The following SH3KBP1 variants were observed in gnomAD, a reference collection of about 807,000 sequenced individuals.
SH3KBP1 encodes SH3 domain containing kinase binding protein 1, also known as SH3 domain-containing kinase-binding protein 1.
A neutral mutation model predicts 50.1 loss-of-function variants in SH3KBP1; 8 were observed. The ratio of observed to expected loss-of-function variants is 0.16; its 90% CI spans 0.09 to 0.29. The LOEUF (loss-of-function observed/expected upper bound fraction) is 0.29. Among genes scored for constraint, SH3KBP1 ranks in the 10% least tolerant of loss-of-function variants. The probability of loss-of-function intolerance (pLI) is 1.00; values close to 1 mark genes in which losing one functional copy is unlikely to be tolerated. For missense variants in SH3KBP1, 377 were observed against 535.2 expected, an observed-to-expected ratio of 0.70 and a Z score of 2.92; for synonymous variants, 227 against 218.6, an observed-to-expected ratio of 1.04 and a Z score of -0.34.
Position 19,541,811 on chromosome X carries a change from G to C in SH3KBP1, c.1892+114C>G, listed in dbSNP as rs1024040735. 26 of 854,401 alleles carry C rather than the reference G, an allele frequency of 3.0e-5. No individual in the cohort carries two copies. The Admixed American group carries it at 7.9e-4, about 26-fold the overall frequency. 70.4% of individuals were successfully genotyped at this position (854,401 alleles called of 1,213,427 possible). ...TCCCACCATTGCTGCCACCATCAACGGGGAGACCAGGCCCGCCCTCCAAGG... is the reference window on the plus strand; with the variant it reads ...TCCCACCATTGCTGCCACCATCAACCGGGAGACCAGGCCCGCCCTCCAAGG... On this transcript the variant is annotated intron_variant, in intron 16 of 17. Transcript: ENST00000397821.
At chrX:19,546,512 C>A (rs1164961566) in intron 14 of SH3KBP1, among the ~76,000 whole-genome samples, 1 of 112,132 alleles carries the variant, frequency 8.9e-6, no homozygotes, top group Non-Finnish European at 1.9e-5. Context: ...CCTCCTCTTC[C>A]TTTTCCTTGA....
intron 1 of SH3KBP1, among the ~76,000 whole-genome samples, chrX:19,868,531 G>C (rs1316602341): frequency 9.2e-6 from 1 of 108,347 alleles, no homozygotes; most frequent in Non-Finnish European, 1.9e-5. Flanking sequence ...GCGATGGTAT[G>C]ATATGGCAGA....
At chrX:19,557,762 G>C (rs1036594217) in intron 13 of SH3KBP1, among the ~76,000 whole-genome samples, 1 of 111,862 alleles carries the variant, frequency 8.9e-6, no homozygotes, top group South Asian at 3.8e-4. Flanking sequence ...TAGGCACTGG[G>C]CTAGGCAAAG....
At chrX:19,622,666 C>T (rs2067873378) in intron 8 of SH3KBP1, among the ~76,000 whole-genome samples, 1 of 112,238 alleles carries the variant, frequency 8.9e-6, no homozygotes, top group Admixed American at 9.4e-5. Flanking sequence ...CAGAAATGCA[C>T]ACAAAGACTG....
At chrX:19,617,067 C>T (rs1406167718) in intron 8 of SH3KBP1, among the ~76,000 whole-genome samples, 1 of 112,260 alleles carries the variant, frequency 8.9e-6, no homozygotes, top group Non-Finnish European at 1.9e-5. Context: ...AAATTTGAGC[C>T]ACCCCAGCAG....
chrX:19,633,898 C>T (rs954568172), intron 7 of SH3KBP1, among the ~76,000 whole-genome samples: 2 of 111,097 alleles, frequency 1.8e-5, no homozygotes, highest in African/African-American at 6.6e-5. Flanking sequence ...AAAATATGTC[C>T]AGGCAAATAA....
chrX:19,720,410 C>T (rs2064024243), intron 3 of SH3KBP1, among the ~76,000 whole-genome samples: 1 of 111,515 alleles, frequency 9.0e-6, no homozygotes, highest in African/African-American at 3.3e-5. Flanking sequence ...ACGTAAAGCA[C>T]ACTGCTTTTC....
At chrX:19,537,173 C>T (rs1471078414) in intron 17 of SH3KBP1, among the ~76,000 whole-genome samples, 1 of 111,160 alleles carries the variant, frequency 9.0e-6, no homozygotes, top group East Asian at 2.8e-4. Context: ...AGATAAATTC[C>T]AGGCTGGGTG....
chrX:19,591,448 C>T (rs2066746712), intron 11 of SH3KBP1, among the ~76,000 whole-genome samples: 1 of 110,833 alleles, frequency 9.0e-6, no homozygotes, highest in Admixed American at 9.6e-5. Flanking sequence ...GCAGGACACA[C>T]ATTAACCTAC....
intron 2 of SH3KBP1, among the ~76,000 whole-genome samples, chrX:19,775,168 G>A (rs566696165): frequency 9.0e-6 from 1 of 111,367 alleles, no homozygotes; most frequent in Admixed American, 9.6e-5. Flanking sequence ...AGGTCTTCAC[G>A]AGTACACAAC....
In SH3KBP1 at chrX:19,668,967, TATATA is replaced by T. The variant is rs1431685070; in HGVS notation, c.726+14851_726+14855del. ...ATATATATATATATATATATATATA[TATATA>T]TATTTTTTGAGACAGGCTGTCACTC... On this transcript the variant is annotated intron_variant, in intron 6 of 17. Coordinates refer to ENST00000397821, the MANE Select transcript of SH3KBP1 (RefSeq NM_031892.3). Among the ~76,000 whole-genome samples, 490 of 50,445 alleles carry T rather than the reference TATATA, an allele frequency of 9.7e-3. 11 individuals are homozygous for T. The highest frequency in any genetic ancestry group is 0.069 in the African/African-American group (473 of 6,819). The allele number at this position is 50,445 out of a possible 115,157, so 43.8% of individuals were successfully genotyped here. A position where few individuals can be genotyped will look rare whatever the true frequency, so the allele number is the denominator to read the frequency against.
intron 13 of SH3KBP1, among the ~76,000 whole-genome samples, chrX:19,564,898 C>T (rs748495283): frequency 9.1e-6 from 1 of 109,368 alleles, no homozygotes; most frequent in South Asian, 4.0e-4. Context: ...CCACTAGATG[C>T]CAGTAGCATC....
At position 19,842,530 on chromosome X, in the gene SH3KBP1, A is replaced by C. The variant is rs190804589; in HGVS notation, c.5-6248T>G. ...GACAGAGCAAGAATCCATCTCAAAA[A>C]AATAATAATATTAAAATTAAAAGTC... On this transcript the variant is annotated intron_variant, in intron 1 of 17. Coordinates refer to ENST00000397821, the MANE Select transcript of SH3KBP1 (RefSeq NM_031892.3). Among the ~76,000 whole-genome samples, 69 of 111,704 alleles carry C rather than the reference A, an allele frequency of 6.2e-4. 1 individual carries two copies. The East Asian group carries it at 0.019, about 30-fold the overall frequency.
chrX:19,830,108 T>A (rs1691391550), intron 2 of SH3KBP1, among the ~76,000 whole-genome samples: 1 of 111,210 alleles, frequency 9.0e-6, no homozygotes, highest in African/African-American at 3.3e-5. Context: ...ATGATCTGTA[T>A]CTCGTGCTGA....
chrX:19,670,910 C>T (rs1217637239), intron 6 of SH3KBP1: 13 of 1,158,493 alleles, frequency 1.1e-5, no homozygotes, highest in Non-Finnish European at 1.4e-5. Context: ...TTGAAAAGGT[C>T]CCAGAACTCC....
chrX:19,748,036 C>A (rs984212194), intron 2 of SH3KBP1, among the ~76,000 whole-genome samples: 1 of 112,262 alleles, frequency 8.9e-6, no homozygotes, highest in Non-Finnish European at 1.9e-5. Flanking sequence ...TGGCTGCCAG[C>A]CTGCTCTGGC....
intron 6 of SH3KBP1, among the ~76,000 whole-genome samples, 196 bp downstream of exon 6, chrX:19,683,627 A>C (rs914380335): frequency 1.8e-5 from 2 of 111,224 alleles, no homozygotes; most frequent in African/African-American, 6.6e-5. Context: ...GAAAGCAGCA[A>C]ACTAGAGCAT....
intron 2 of SH3KBP1, among the ~76,000 whole-genome samples, chrX:19,773,363 A>C (rs189527066): frequency 2.7e-3 from 299 of 111,462 alleles, no homozygotes; most frequent in Non-Finnish European, 4.2e-3. Flanking sequence ...GTTTGTGTGC[A>C]TATCTGAGTC....
chrX:19,710,145 G>A (rs2063740831), intron 3 of SH3KBP1, among the ~76,000 whole-genome samples: 1 of 111,843 alleles, frequency 8.9e-6, no homozygotes, highest in Admixed American at 9.5e-5. Flanking sequence ...ATATTAAATG[G>A]AATATTCCAG....
Sources: gnomAD v4.1 joint callset for allele counts (sites outside exome capture counted in the v4.1 genomes callset) on GRCh38, gnomAD v4.1.1 for gene constraint, MANE v1.5 for transcripts, NCBI Gene and HGNC (gene_info 2026-07-23, HGNC 2026-07-21) for gene names.